Variants in REG4 observed in about 807,000 individuals in gnomAD.
REG4 encodes the protein regenerating islet-derived protein 4.
A neutral mutation model predicts 22.3 loss-of-function variants in REG4; 16 were observed. The observed-to-expected ratio is 0.72, with a 90% CI of 0.49 to 1.09. The LOEUF is 1.09. REG4 is among the 50% of genes least tolerant of loss of function. The pLI, the probability that REG4 is intolerant of heterozygous loss-of-function variation, is 0.00. For synonymous variants in REG4, 71 were observed against 69.2 expected (o/e 1.03, Z -0.13); for missense variants, 214 against 193.9 (o/e 1.10, Z -0.61).
At position 119,808,824 on chromosome 1, in the gene REG4, C is replaced by G. The variant is rs369004688; in HGVS notation, c.-55G>C. The G allele has an allele frequency of 1.5e-6, 2 of 1,347,030 alleles. No homozygotes were observed. The highest frequency in any genetic ancestry group is 2.4e-5 in the South Asian group (2 of 82,030). 83.4% of individuals were successfully genotyped at this position (1,347,030 alleles called of 1,614,324 possible). On this transcript the variant is annotated 5_prime_UTR_variant, in exon 2 of 6. Coordinates refer to ENST00000256585, the MANE Select transcript of REG4 (RefSeq NM_032044.4). ...GCAAGGATCTCAGAGACCTTACTAG[C>G]GCTTCTTTGAAACTCCTGGGTTCTC...
At chr1:119,798,741 G>A in intron 4 of REG4, 139 bp from the exon 5 acceptor site, 4 of 573,210 alleles carry the variant, frequency 7.0e-6, no homozygotes, top group Non-Finnish European at 1.2e-5. Context: ...GAAGGAAAAA[G>A]AGAAAGTCAT....
intron 2 of REG4, among the ~76,000 whole-genome samples, chr1:119,803,882 A>G (rs896562701): frequency 6.6e-6 from 1 of 152,122 alleles, no homozygotes; most frequent in African/African-American, 2.4e-5. Context: ...GAAGGATAGA[A>G]ACAGCAAGCA....
intron 1 of REG4, among the ~76,000 whole-genome samples, chr1:119,810,969 A>C (rs190485833): frequency 2.0e-5 from 3 of 152,130 alleles, no homozygotes; most frequent in African/African-American, 4.8e-5. Context: ...CAGGAGAATC[A>C]CTTGAACCTG....
chr1:119,802,737 C>T (rs2101070659), intron 3 of REG4: 2 of 1,448,748 alleles, frequency 1.4e-6, no homozygotes, highest in East Asian at 5.0e-5. Context: ...ATTATCCTTT[C>T]TGTGAATTCC....
intron 5 of REG4, 91 bp from the exon 6 acceptor site, chr1:119,794,776 A>G: frequency 9.2e-7 from 1 of 1,088,328 alleles, no homozygotes; most frequent in Non-Finnish European, 1.4e-6. Flanking sequence ...AGCATAGATA[A>G]GGCAATATGA....
chr1:119,799,385 T>G (rs1489174910), intron 4 of REG4, among the ~76,000 whole-genome samples: 1 of 150,174 alleles, frequency 6.7e-6, no homozygotes, highest in Non-Finnish European at 1.5e-5. Flanking sequence ...TTGATTAATC[T>G]GTCTCATAAT....
chr1:119,804,992 G>C (rs1258417485), intron 2 of REG4, among the ~76,000 whole-genome samples: 2 of 152,130 alleles, frequency 1.3e-5, no homozygotes, highest in African/African-American at 2.4e-5. Context: ...AACAGGCTCA[G>C]GATGGTCATC....
In REG4 at chr1:119,799,871, A is replaced by G. The variant is rs775703821; in HGVS notation, c.166-9T>C. ...TAAGACTGACACTCGAGCTATGTAC[A>G]AGGAGAGGTCCTGTTAATTATGCCT... On this transcript the variant is annotated splice_polypyrimidine_tract_variant and intron_variant, in intron 3 of 5. Coordinates refer to ENST00000256585, the MANE Select transcript of REG4 (RefSeq NM_032044.4). The G allele has an allele frequency of 1.2e-6, 2 of 1,613,728 alleles. No individual in the cohort carries two copies. The highest frequency in any genetic ancestry group is 2.7e-5 in the African/African-American group (2 of 74,930).
intron 5 of REG4, among the ~76,000 whole-genome samples, chr1:119,797,285 A>G (rs1293316933): frequency 2.6e-5 from 4 of 152,074 alleles, no homozygotes; most frequent in Admixed American, 2.6e-4. Context: ...ATTTGAGCCA[A>G]CTTCTGCCTT....
chr1:119,805,515 T>C (rs1033120184), intron 2 of REG4, among the ~76,000 whole-genome samples: 6 of 152,106 alleles, frequency 3.9e-5, no homozygotes, highest in African/African-American at 1.4e-4. Flanking sequence ...ATCCAAGCCA[T>C]GAAAGCAGAG....
intron 2 of REG4, among the ~76,000 whole-genome samples, chr1:119,804,162 G>A (rs905313918): frequency 9.2e-5 from 14 of 152,316 alleles, no homozygotes; most frequent in African/African-American, 3.4e-4. Context: ...ACCATGGTGG[G>A]TGAAAAGTGT....
chr1:119,809,765 T>G (rs1654438119), intron 1 of REG4, among the ~76,000 whole-genome samples: 1 of 152,204 alleles, frequency 6.6e-6, no homozygotes, highest in Non-Finnish European at 1.5e-5. Context: ...TTTGTTAAAA[T>G]GTATGGGCTG....
chr1:119,802,455 A>G (rs778650558), intron 3 of REG4: 141 of 1,003,828 alleles, frequency 1.4e-4, no homozygotes, highest in Non-Finnish European at 1.6e-4. Context: ...GATCATGCCA[A>G]ATGTACCTAT....
chr1:119,810,913 G>T (rs1243881730), intron 1 of REG4, among the ~76,000 whole-genome samples: 1 of 152,104 alleles, frequency 6.6e-6, no homozygotes, highest in African/African-American at 2.4e-5. Context: ...AATTAGCTGG[G>T]CGTGGTGGCA....
intron 1 of REG4, among the ~76,000 whole-genome samples, chr1:119,810,469 T>C (rs148230884): frequency 1.0e-3 from 156 of 152,320 alleles, no homozygotes; most frequent in Non-Finnish European, 1.8e-3. Context: ...ATCTGAACAC[T>C]TTAAGGCAAC....
Position 119,795,927 on chromosome 1 carries a change from A to C in REG4, c.410-1242T>G, listed in dbSNP as rs148953723. 1.3e-4 allele frequency among the ~76,000 whole-genome samples: 20 copies of C among 152,346 alleles called. No homozygotes were observed. In the East Asian group the frequency reaches 3.9e-3, roughly 29 times the overall value. ...TTGCTGCCCATTGAGCCTGTGGATA[A>C]GCTAGAATAGCAGCTTCAAACAATC... On this transcript the variant is annotated intron_variant, in intron 5 of 5. Transcript: ENST00000256585.
At chr1:119,795,533 C>T (rs1185858627) in intron 5 of REG4, among the ~76,000 whole-genome samples, 1 of 152,254 alleles carries the variant, frequency 6.6e-6, no homozygotes, top group Non-Finnish European at 1.5e-5. Context: ...CTCCCAGAAG[C>T]CAAGCTCCAC....
At chr1:119,808,616 G>T in intron 2 of REG4, 87 bp downstream of exon 2, 1 of 948,010 alleles carries the variant, frequency 1.1e-6, no homozygotes, top group Non-Finnish European at 1.7e-6. Flanking sequence ...GTTCCTAAAT[G>T]TTTTTGTGGG....
Position 119,795,782 on chromosome 1 carries a change from A to G in REG4, c.410-1097T>C, listed in dbSNP as rs370497276. 3.9e-5 allele frequency among the ~76,000 whole-genome samples: 6 copies of G among 152,364 alleles called. No individual in the cohort carries two copies. In the South Asian group the frequency reaches 1.2e-3, roughly 32 times the overall value. ...GTGCTCAGCGCAGGAGCCACAGAGT[A>G]TAAATGAAACAGGGCCTGCAAGCTT... On this transcript the variant is annotated intron_variant, in intron 5 of 5. Transcript: ENST00000256585.
Sources: allele counts gnomAD v4.1 joint callset (sites outside exome capture counted in the v4.1 genomes callset), GRCh38; gene constraint gnomAD v4.1.1; transcripts MANE v1.5; gene names NCBI Gene and HGNC (gene_info 2026-07-23, HGNC 2026-07-21).